Variants in KRT12 observed in about 807,000 individuals in gnomAD.
KRT12 encodes keratin, type I cytoskeletal 12.
A neutral mutation model predicts 50.2 loss-of-function variants in KRT12; 43 were observed. The observed-to-expected ratio is 0.86, with a 90% confidence interval of 0.67 to 1.11. The LOEUF (loss-of-function observed/expected upper bound fraction) is 1.11. KRT12 is among the 50% of genes least tolerant of loss of function. The probability of loss-of-function intolerance (pLI) is 0.00; values close to 1 mark genes in which losing one functional copy is unlikely to be tolerated. For missense variants in KRT12, 588 were observed against 625.6 expected (o/e 0.94, Z 0.64); for synonymous variants, 257 against 253.6 (o/e 1.01, Z -0.13).
At chr17:40,866,131 T>A (rs775799267) in intron 2 of KRT12, 24 bp downstream of exon 2, 2 of 1,573,820 alleles carry the variant, frequency 1.3e-6, no homozygotes, top group East Asian at 4.5e-5. Context: ...GACACGCCCA[T>A]GATCTTCAGT....
In KRT12 at chr17:40,866,653, T is replaced by G. The variant is rs1362620407; in HGVS notation, c.534A>C (p.Lys178Asn). The G allele has an allele frequency of 6.8e-6, 11 of 1,614,036 alleles. No individual in the cohort carries two copies. The highest frequency in any genetic ancestry group is 9.3e-6 in the Non-Finnish European group (11 of 1,180,006). ...TGAGGTCTTCAATCAGTGGATAATA[T>G]TTGCTGTAATCGCTCTGTGAAGCAT... Reference protein sequence around the residue: ...TADASQSDYSKYYPLIEDLRN... With the variant: ...TADASQSDYSNYYPLIEDLRN... Residue 178 changes from lysine to asparagine, a missense_variant, in exon 1 of 8, where the codon AAA becomes AAC. Physicochemically the swap from Lys to Asn is moderately conservative, Grantham distance 94. Coordinates refer to ENST00000251643, the MANE Select transcript of KRT12 (RefSeq NM_000223.4).
chr17:40,864,924 G>A lies in KRT12; in HGVS notation c.689C>T (p.Ala230Val), dbSNP rs893676551. The A allele has an allele frequency of 6.2e-7, 1 of 1,614,246 alleles. No individual in the cohort carries two copies. ...NELALRQGVE[A>V]DINGLRRVLD... Reference sequence around the variant, plus strand: ...CACCCGGCGCAGGCCATTGATGTCGGCCTCTACGCCCTGGCGCAGGGCCAG... The same window carrying A: ...CACCCGGCGCAGGCCATTGATGTCGACCTCTACGCCCTGGCGCAGGGCCAG... The change falls in exon 3 of 8, where the codon GCC becomes GTC. Residue 230 changes from alanine to valine, a missense_variant. Transcript: ENST00000251643.
In KRT12 at chr17:40,863,953, T is replaced by TCCACACACACAC; in HGVS notation, c.808-90_808-89insGTGTGTGTGTGG. 1 of 512,176 alleles carries TCCACACACACAC rather than the reference T, an allele frequency of 2.0e-6. No individual in the cohort carries two copies. Among genetic ancestry groups the TCCACACACACAC allele is most frequent in the South Asian group, 3.1e-5 (1 of 31,924 alleles). 31.7% of individuals were successfully genotyped at this position (512,176 alleles called of 1,614,324 possible). ...ACTTTTGTCCTCTTGGGCCCCTTCC[T>TCCACACACACAC]ACACACACACACACACACACACACA... On this transcript the variant is annotated intron_variant, in intron 3 of 7. Coordinates refer to ENST00000251643, the MANE Select transcript of KRT12 (RefSeq NM_000223.4). The surrounding 1 kb of genome is among the most constrained non-coding windows in gnomAD (Gnocchi z 4.2).
chr17:40,866,389 T>G, intron 1 of KRT12, 152 bp from the exon 2 acceptor site: 1 of 737,998 alleles, frequency 1.4e-6, no homozygotes, highest in Non-Finnish European at 2.3e-6. Flanking sequence ...AATATCTGTA[T>G]AAAATAATAT....
Position 40,862,610 on chromosome 17 carries a change from CAAAT to C in KRT12, c.1338_1341del (p.Phe447Ter), listed in dbSNP as rs1906844800. ...TGTGCTTGTGATTTGGAGTCTGTCA[CAAAT>C]AAACTTTCCTCCAAACCATCACTGT... is the stretch of plus-strand genomic sequence containing the variant. On this transcript the variant is annotated frameshift_variant, in exon 7 of 8. Coordinates refer to ENST00000251643, the MANE Select transcript of KRT12 (RefSeq NM_000223.4). LOFTEE classifies it high-confidence loss of function. The C allele has an allele frequency of 1.2e-6, 2 of 1,613,306 alleles. No individual in the cohort carries two copies. The highest frequency in any genetic ancestry group is 1.6e-4 in the Middle Eastern group (1 of 6,082).
chr17:40,864,984 G>A, intron 2 of KRT12, 22 bp from the exon 3 acceptor site: 1 of 1,614,034 alleles, frequency 6.2e-7, no homozygotes, highest in Non-Finnish European at 8.5e-7. Flanking sequence ...GTGCAAAGCA[G>A]TTGAGGGAAT....
At position 40,867,010 on chromosome 17, in the gene KRT12, A is replaced by C. The variant is rs1907055808; in HGVS notation, c.177T>G (p.Ala59=). ...CGGAACTAGAACCAAACATGGAAGC[A>C]GCAGAAAAGCCTCCCCCACAGCTGG... ...FGASCGGGFS[A]ASMFGSSSGF... Residue 59 remains alanine (A), a synonymous_variant, in exon 1 of 8, where the codon GCT becomes GCG. Transcript: ENST00000251643. The C allele has an allele frequency of 3.8e-6, 6 of 1,595,926 alleles. No individual in the cohort carries two copies. Among genetic ancestry groups the C allele is most frequent in the Non-Finnish European group, 5.1e-6 (6 of 1,171,634 alleles).
At position 40,862,674 on chromosome 17, in the gene KRT12, C is replaced by T. The variant is rs1906847045; in HGVS notation, c.1317-39G>A. 7 of 1,431,930 alleles carry T rather than the reference C, an allele frequency of 4.9e-6. No individual in the cohort carries two copies. The East Asian group carries it at 6.8e-5, about 14-fold the overall frequency. The allele number at this position is 1,431,930 out of a possible 1,614,324, so 88.7% of individuals were successfully genotyped here. On this transcript the variant is annotated intron_variant, in intron 6 of 7. Coordinates refer to ENST00000251643, the MANE Select transcript of KRT12 (RefSeq NM_000223.4). The stretch of plus-strand genomic sequence containing the variant: ...AAGGAGATGACCTCAAAAAGTGAAA[C>T]AACCTGGCTTTTAATGGAAGATCTG...
Position 40,861,598 on chromosome 17 carries a change from T to G in KRT12, c.*63A>C, listed in dbSNP as rs1906804768. ...ATACAGCATGTTACTCTGAAAGGAA[T>G]AATTTCTACTTGTAAATTTCTTGTT... On this transcript the variant is annotated 3_prime_UTR_variant, in exon 8 of 8. Transcript: ENST00000251643. The G allele has an allele frequency of 9.7e-7, 1 of 1,025,828 alleles. No homozygotes were observed. Among genetic ancestry groups the G allele is most frequent in the Admixed American group, 1.7e-5 (1 of 58,804 alleles). 63.5% of individuals were successfully genotyped at this position (1,025,828 alleles called of 1,614,324 possible).
intron 2 of KRT12, 71 bp from the exon 3 acceptor site, chr17:40,865,033 C>A (rs769580800): frequency 1.1e-5 from 17 of 1,507,116 alleles, no homozygotes; most frequent in Non-Finnish European, 1.6e-5. Flanking sequence ...ATCTTCAGGG[C>A]TATTTCTTGC....
rs1350316334 is a variant in KRT12 at position 40,863,473 on chromosome 17, G to A, written c.1095+12C>T. On this transcript the variant is annotated intron_variant, in intron 5 of 7. Transcript: ENST00000251643. This position sits in a 1 kb window ranked among gnomAD's most constrained non-coding sequence, Gnocchi z 4.2. ...TCCAAAGGATGCTACGTCTGTTTGC[G>A]CACGAGCCTACCATGGCGAGCTGGG... 4.3e-6 allele frequency: 7 copies of A among 1,614,088 alleles called. No individual in the cohort carries two copies. The Admixed American group carries it at 1.2e-4, about 27-fold the overall frequency.
At chr17:40,865,907 G>A (rs1907000732) in intron 2 of KRT12, among the ~76,000 whole-genome samples, 2 of 152,222 alleles carry the variant, frequency 1.3e-5, no homozygotes, top group African/African-American at 4.8e-5. Context: ...CACATCATGA[G>A]TTGAGTCAAT....
Position 40,866,757 on chromosome 17 carries a change from G to T in KRT12, c.430C>A (p.Arg144=), listed in dbSNP as rs372927571. 604 of 1,613,984 alleles carry T rather than the reference G, an allele frequency of 3.7e-4. 2 individuals are homozygous for T. Among genetic ancestry groups the T allele is most frequent in the Non-Finnish European group, 4.8e-4 (571 of 1,180,014 alleles). ...DRLASYLDKV[R]ALEEANTELE... ...TCAGTATTAGCCTCTTCTAGAGCTCGCACCTTATCCAGGTAGGAAGCTAAT... is the reference window on the plus strand; with the variant it reads ...TCAGTATTAGCCTCTTCTAGAGCTCTCACCTTATCCAGGTAGGAAGCTAAT... The change falls in exon 1 of 8, where the codon CGA becomes AGA. Residue 144 remains arginine, a synonymous_variant. Coordinates refer to ENST00000251643, the MANE Select transcript of KRT12 (RefSeq NM_000223.4).
chr17:40,861,494 G>A lies in KRT12; in HGVS notation c.*167C>T. 1.6e-6 allele frequency: 1 copy of A among 632,794 alleles called. No individual in the cohort carries two copies. The highest frequency in any genetic ancestry group is 3.1e-4 in the Middle Eastern group (1 of 3,186). The allele number at this position is 632,794 out of a possible 1,614,324, so 39.2% of individuals were successfully genotyped here. On this transcript the variant is annotated 3_prime_UTR_variant, in exon 8 of 8. Transcript: ENST00000251643. The stretch of plus-strand genomic sequence containing the variant: ...CCAAAATGACTTGTGACTGAATATT[G>A]TTTCAGAAGGGCAAAAAGGATTCAA...
chr17:40,862,626 C>A lies in KRT12; in HGVS notation c.1326G>T (p.Leu442Phe). 1 of 1,611,910 alleles carries A rather than the reference C, an allele frequency of 6.2e-7. No homozygotes were observed. Among genetic ancestry groups the A allele is most frequent in the Non-Finnish European group, 8.5e-7 (1 of 1,178,054 alleles). Residue 442 changes from leucine (L) to phenylalanine (F), a missense_variant, in exon 7 of 8, where the codon TTG (leucine) becomes TTT (phenylalanine). Coordinates refer to ENST00000251643, the MANE Select transcript of KRT12 (RefSeq NM_000223.4). ...AGTCTGTCACAAATAAACTTTCCTCCAAACCATCACTGTAAGAAAACAAAG... is the reference window on the plus strand; with the variant it reads ...AGTCTGTCACAAATAAACTTTCCTCAAAACCATCACTGTAAGAAAACAAAG... Reference protein sequence around the residue: ...LLDGEAQGDGLEESLFVTDSK... With the variant: ...LLDGEAQGDGFEESLFVTDSK...
chr17:40,863,736 A>C lies in KRT12; in HGVS notation c.936T>G (p.Asn312Lys), dbSNP rs1172739968. 2 of 1,613,586 alleles carry C rather than the reference A, an allele frequency of 1.2e-6. No homozygotes were observed. The highest frequency in any genetic ancestry group is 1.3e-5 in the African/African-American group (1 of 74,884). The change falls in exon 4 of 8, where the codon AAT (asparagine) becomes AAG (lysine). Residue 312 changes from asparagine (N) to lysine (K), a missense_variant. By Grantham distance (94) the Asn-to-Lys change is moderately conservative. Transcript: ENST00000251643. The surrounding 1 kb of genome is among the most constrained non-coding windows in gnomAD (Gnocchi z 4.2). ...RAQYETIAEQNRKDAEAWFIE... is the reference protein window; with the variant it reads ...RAQYETIAEQKRKDAEAWFIE... ...TGAACCAGGCTTCAGCGTCCTTCCG[A>C]TTCTGCTCAGCGATGGTTTCATACT...
Position 40,861,633 on chromosome 17 carries a change from C to T in KRT12, c.*28G>A, listed in dbSNP as rs755351704. Reference sequence around the variant, plus strand: ...TTGTAAATTTCTTGTTCCTAAGGAACCAATCATGGGGCAGATCTTGTGAAA... The same window carrying T: ...TTGTAAATTTCTTGTTCCTAAGGAATCAATCATGGGGCAGATCTTGTGAAA... On this transcript the variant is annotated 3_prime_UTR_variant, in exon 8 of 8. Coordinates refer to ENST00000251643, the MANE Select transcript of KRT12 (RefSeq NM_000223.4). The T allele has an allele frequency of 1.5e-6, 2 of 1,375,336 alleles. No homozygotes were observed. Among genetic ancestry groups the T allele is most frequent in the African/African-American group, 1.4e-5 (1 of 70,366 alleles). The allele number at this position is 1,375,336 out of a possible 1,614,324, so 85.2% of individuals were successfully genotyped here.
chr17:40,864,907 G>A lies in KRT12; in HGVS notation c.706C>T (p.Arg236Cys), dbSNP rs141121767. ...AGGGTCAGCTCGTCCAGCACCCGGC[G>A]CAGGCCATTGATGTCGGCCTCTACG... ...QGVEADINGL[R>C]RVLDELTLTR... Residue 236 changes from arginine (R) to cysteine (C), a missense_variant, in exon 3 of 8, where the codon CGC (arginine) becomes TGC (cysteine). Arg to Cys is a radical substitution (Grantham distance 180). Coordinates refer to ENST00000251643, the MANE Select transcript of KRT12 (RefSeq NM_000223.4). The A allele has an allele frequency of 3.5e-5, 56 of 1,614,102 alleles. No individual in the cohort carries two copies. In the African/African-American group the frequency reaches 4.0e-4, roughly 12 times the overall value.
At position 40,864,845 on chromosome 17, in the gene KRT12, C is replaced by T. The variant is rs1226427437; in HGVS notation, c.768G>A (p.Leu256=). Residue 256 remains leucine (L), a synonymous_variant, in exon 3 of 8, where the codon CTG becomes CTA. Transcript: ENST00000251643. ...RTDLEMQIES[L]NEELAYMKKN... ...TCTTCATGTAGGCCAGCTCCTCGTTCAGGCTCTCGATCTGCATCTCCAGGT... is the reference window on the plus strand; with the variant it reads ...TCTTCATGTAGGCCAGCTCCTCGTTTAGGCTCTCGATCTGCATCTCCAGGT... The T allele has an allele frequency of 6.2e-7, 1 of 1,614,228 alleles. No individual in the cohort carries two copies. Among genetic ancestry groups the T allele is most frequent in the Non-Finnish European group, 8.5e-7 (1 of 1,180,042 alleles).
Sources: gnomAD v4.1 joint callset for allele counts (sites outside exome capture counted in the v4.1 genomes callset) on GRCh38, gnomAD v4.1.1 for gene constraint, Gnocchi (gnomAD v3.1) non-coding constraint, MANE v1.5 for transcripts, NCBI Gene and HGNC (gene_info 2026-07-23, HGNC 2026-07-21) for gene names.